SAMD4A: variants seen among roughly 807,000 people sequenced by gnomAD.
The protein encoded by SAMD4A is sterile alpha motif domain containing 4A.
In SAMD4A, 33 loss-of-function variants were observed where a neutral mutation model predicts 81.3. The observed-to-expected ratio is 0.41, with a 90% CI of 0.31 to 0.54. The LOEUF is 0.54. Among genes scored for constraint, SAMD4A ranks in the 20% least tolerant of loss-of-function variants. The probability of loss-of-function intolerance (pLI) is 0.37; values close to 1 mark genes in which losing one functional copy is unlikely to be tolerated. For synonymous variants in SAMD4A, 389 were observed against 382.1 expected, an observed-to-expected ratio of 1.02 and a Z score of -0.21; for missense variants, 854 against 951.1, an observed-to-expected ratio of 0.90 and a Z score of 1.34.
intron 2 of SAMD4A, among the ~76,000 whole-genome samples, chr14:54,625,828 C>A (rs1281860734): frequency 6.6e-6 from 1 of 152,184 alleles, no homozygotes; most frequent in Non-Finnish European, 1.5e-5. Flanking sequence ...TGCCTATTTT[C>A]TTCCCTACTT....
intron 6 of SAMD4A, chr14:54,754,961 C>G (rs899720273): frequency 2.0e-6 from 1 of 491,216 alleles, no homozygotes; most frequent in African/African-American, 2.1e-5. Flanking sequence ...TTAGATATGG[C>G]ACCATATGAT....
Position 54,702,156 on chromosome 14 carries a change from G to A in SAMD4A, c.291G>A (p.Ala97=), listed in dbSNP as rs146819812. 27 of 1,613,996 alleles carry A rather than the reference G, an allele frequency of 1.7e-5. No individual in the cohort carries two copies. Among genetic ancestry groups the A allele is most frequent in the Middle Eastern group, 1.6e-4 (1 of 6,082 alleles). ...TGCTGAAGCCAGGAAACCTCGACGC[G>A]AAAGTAGAATATATGAAACTGCTGC... The part of the protein sequence containing the change: ...LPLLKPGNLD[A]KVEYMKLLPK... The change falls in exon 3 of 13, where the codon GCG becomes GCA. Residue 97 remains alanine (A), a synonymous_variant. Transcript: ENST00000554335.
intron 2 of SAMD4A, among the ~76,000 whole-genome samples, chr14:54,672,029 T>TGG (rs2035894332): frequency 6.6e-6 from 1 of 151,242 alleles, no homozygotes; most frequent in East Asian, 1.9e-4. Context: ...TGTTTTTTTT[T>TGG]TTTTTTTTTT....
chr14:54,643,620 A>G (rs2035221858), intron 2 of SAMD4A, among the ~76,000 whole-genome samples: 1 of 152,266 alleles, frequency 6.6e-6, no homozygotes, highest in Non-Finnish European at 1.5e-5. Context: ...CCGGTAGGCA[A>G]GAGTCGGTAT....
intron 2 of SAMD4A, among the ~76,000 whole-genome samples, chr14:54,662,774 T>G (rs2035672285): frequency 6.6e-6 from 1 of 152,052 alleles, no homozygotes; most frequent in East Asian, 1.9e-4. Flanking sequence ...GTGGCCACCT[T>G]TGGCTCCCTC....
chr14:54,617,881 T>A (rs2034526934), intron 2 of SAMD4A, among the ~76,000 whole-genome samples: 1 of 152,248 alleles, frequency 6.6e-6, no homozygotes, highest in African/African-American at 2.4e-5. Context: ...CACAACTTTA[T>A]TGATAACTAC....
Position 54,598,105 on chromosome 14 carries a change from G to C in SAMD4A, c.196+29993G>C, listed in dbSNP as rs1393384811. Among the ~76,000 whole-genome samples, 6 of 152,204 alleles carry C rather than the reference G, an allele frequency of 3.9e-5. No individual in the cohort carries two copies. The East Asian group carries it at 1.2e-3, about 29-fold the overall frequency. On this transcript the variant is annotated intron_variant, in intron 2 of 12. Coordinates refer to ENST00000554335, the MANE Select transcript of SAMD4A (RefSeq NM_015589.6). ...TGTTGGGGACACAGTCTGAGCATTT[G>C]TTAGACTAACTAGAAGGTTTTACAT...
intron 4 of SAMD4A, among the ~76,000 whole-genome samples, chr14:54,745,801 G>A (rs2037954372): frequency 6.6e-6 from 1 of 152,196 alleles, no homozygotes; most frequent in African/African-American, 2.4e-5. Context: ...CCAAACAGGT[G>A]TGTGCCAACC....
rs190931118 is a variant in SAMD4A at position 54,722,193 on chromosome 14, C to T, written c.716-14831C>T. 2.1e-3 allele frequency among the ~76,000 whole-genome samples: 317 copies of T among 152,200 alleles called. 3 individuals are homozygous for T. The highest frequency in any genetic ancestry group is 7.0e-3 in the African/African-American group (290 of 41,524). ...ACATCAATGGTGGCAGTCCCTCTGA[C>T]CAGTTAGGCAAAAATGAGAAGGTCC... is the stretch of plus-strand genomic sequence containing the variant. On this transcript the variant is annotated intron_variant, in intron 3 of 12. Transcript: ENST00000554335.
intron 2 of SAMD4A, among the ~76,000 whole-genome samples, chr14:54,662,288 G>C (rs2035658569): frequency 6.6e-6 from 1 of 152,200 alleles, no homozygotes; most frequent in African/African-American, 2.4e-5. Context: ...TGAAGGGATA[G>C]AGGTCCACAG....
chr14:54,565,978 C>T (rs1432929697), upstream of SAMD4A, among the ~76,000 whole-genome samples: 1 of 151,984 alleles, frequency 6.6e-6, no homozygotes, highest in African/African-American at 2.4e-5. The surrounding 1 kb of genome is among the most constrained non-coding windows in gnomAD (Gnocchi z 5.4). Context: ...GGTTCCTCCC[C>T]CCGGCTCCCC....
chr14:54,653,965 C>T (rs942129425), intron 2 of SAMD4A, among the ~76,000 whole-genome samples: 2 of 152,176 alleles, frequency 1.3e-5, no homozygotes, highest in African/African-American at 4.8e-5. Flanking sequence ...TTGCAAATAC[C>T]ATTCGGTATG....
chr14:54,763,528 A>G (rs1027703051), intron 7 of SAMD4A, among the ~76,000 whole-genome samples: 4 of 152,192 alleles, frequency 2.6e-5, no homozygotes, highest in African/African-American at 9.7e-5. Flanking sequence ...TTTTGTTATG[A>G]CAAACAATGT....
chr14:54,657,124 A>AT (rs2140448712), intron 2 of SAMD4A, among the ~76,000 whole-genome samples: 1 of 152,284 alleles, frequency 6.6e-6, no homozygotes, highest in South Asian at 2.1e-4. Context: ...TAATATGATC[A>AT]TTTTTCAATT....
At chr14:54,614,999 A>AT (rs2034456543) in intron 2 of SAMD4A, among the ~76,000 whole-genome samples, 1 of 152,158 alleles carries the variant, frequency 6.6e-6, no homozygotes, top group South Asian at 2.1e-4. Flanking sequence ...TTTAATTAAG[A>AT]TTAACTAACA....
At chr14:54,612,672 G>GT (rs1224256515) in intron 2 of SAMD4A, among the ~76,000 whole-genome samples, 2 of 152,070 alleles carry the variant, frequency 1.3e-5, no homozygotes, top group Non-Finnish European at 2.9e-5. Flanking sequence ...AAAAACATCT[G>GT]TTTTTTTCAA....
intron 2 of SAMD4A, among the ~76,000 whole-genome samples, chr14:54,589,707 T>C (rs2033722949): frequency 6.6e-6 from 1 of 152,216 alleles, no homozygotes; most frequent in Non-Finnish European, 1.5e-5. Flanking sequence ...CAAGACACAG[T>C]CCCTTCCCTA....
At chr14:54,771,038 C>T (rs977042243) in intron 9 of SAMD4A, among the ~76,000 whole-genome samples, 3 of 151,962 alleles carry the variant, frequency 2.0e-5, no homozygotes, top group Non-Finnish European at 2.9e-5. Flanking sequence ...TTTCATTTCT[C>T]GGTGCATGTA....
chr14:54,664,721 C>G (rs1009534144), intron 2 of SAMD4A, among the ~76,000 whole-genome samples: 11 of 151,696 alleles, frequency 7.3e-5, no homozygotes, highest in South Asian at 4.2e-4. Flanking sequence ...TTGGAGTTGA[C>G]CAACAGAGTA....
Sources: gnomAD v4.1 joint callset for allele counts (sites outside exome capture counted in the v4.1 genomes callset) on GRCh38, gnomAD v4.1.1 for gene constraint, Gnocchi (gnomAD v3.1) non-coding constraint, MANE v1.5 for transcripts, NCBI Gene and HGNC (gene_info 2026-07-23, HGNC 2026-07-21) for gene names.